DLG2: variants seen among roughly 807,000 people sequenced by gnomAD.
DLG2 encodes the protein disks large homolog 2.
In DLG2, 45 loss-of-function variants were observed where a neutral mutation model predicts 132.5. The ratio of observed to expected loss-of-function variants is 0.34; its 90% CI spans 0.27 to 0.44. The LOEUF is 0.44. DLG2 is among the 20% of genes least tolerant of loss of function. The probability of loss-of-function intolerance (pLI) is 1.00; values close to 1 mark genes in which losing one functional copy is unlikely to be tolerated. For synonymous variants in DLG2, 424 were observed against 419.6 expected, an observed-to-expected ratio of 1.01 and a Z score of -0.13; for missense variants, 1,045 against 1,196.9, an observed-to-expected ratio of 0.87 and a Z score of 1.87.
intron 6 of DLG2, among the ~76,000 whole-genome samples, chr11:85,101,949 A>G (rs2070913945): frequency 6.6e-6 from 1 of 152,048 alleles, no homozygotes; most frequent in Non-Finnish European, 1.5e-5. Flanking sequence ...CTCCAAATAA[A>G]TAAGATGAGA....
At chr11:83,743,633 T>A (rs1337574407) in intron 18 of DLG2, among the ~76,000 whole-genome samples, 4 of 151,872 alleles carry the variant, frequency 2.6e-5, no homozygotes, top group Non-Finnish European at 5.9e-5. Flanking sequence ...GGCATTTCAC[T>A]ATGTTGCCCA....
At chr11:84,189,913 A>T in intron 8 of DLG2, among the ~76,000 whole-genome samples, 1 of 151,876 alleles carries the variant, frequency 6.6e-6, no homozygotes, top group Non-Finnish European at 1.5e-5. Context: ...TGTGCAACAA[A>T]CCACCATGGC....
intron 18 of DLG2, among the ~76,000 whole-genome samples, chr11:83,702,502 G>A (rs2083137811): frequency 6.6e-6 from 1 of 152,214 alleles, no homozygotes; most frequent in Admixed American, 6.5e-5. Flanking sequence ...CCATGAAGGT[G>A]AAGTAGGTGA....
intron 4 of DLG2, among the ~76,000 whole-genome samples, chr11:85,239,128 A>C (rs1017388293): frequency 1.1e-4 from 16 of 152,096 alleles, no homozygotes; most frequent in African/African-American, 3.9e-4. Flanking sequence ...TTTACTGGAG[A>C]GATAAACTGC....
chr11:84,394,666 T>C (rs140624000), intron 7 of DLG2, among the ~76,000 whole-genome samples: 8,535 of 150,200 alleles, frequency 0.057, 780 homozygotes, highest in African/African-American at 0.2. Flanking sequence ...TCTTGCTCTG[T>C]CACCCAGGCT....
chr11:84,977,898 A>G (rs914917982), intron 6 of DLG2, among the ~76,000 whole-genome samples: 1 of 152,168 alleles, frequency 6.6e-6, no homozygotes, highest in Admixed American at 6.6e-5. Context: ...CAATGTCTGA[A>G]GGCCAAGACC....
chr11:84,053,411 A>G (rs2096438307), intron 11 of DLG2, among the ~76,000 whole-genome samples: 1 of 151,994 alleles, frequency 6.6e-6, no homozygotes, highest in Non-Finnish European at 1.5e-5. Flanking sequence ...CATCCTGCAC[A>G]TATACCTCTG....
chr11:84,255,692 G>T (rs538741416), intron 7 of DLG2, among the ~76,000 whole-genome samples: 1 of 152,136 alleles, frequency 6.6e-6, no homozygotes, highest in Non-Finnish European at 1.5e-5. Context: ...TGACTCAGCA[G>T]ATTCTAGTGT....
At chr11:83,783,812 C>T (rs1373544178) in intron 18 of DLG2, among the ~76,000 whole-genome samples, 1 of 152,142 alleles carries the variant, frequency 6.6e-6, no homozygotes, top group Non-Finnish European at 1.5e-5. Flanking sequence ...CTTGCACTGT[C>T]CTGACCCCTT....
At chr11:84,122,601 G>A (rs372913597) in intron 9 of DLG2, among the ~76,000 whole-genome samples, 19 of 152,234 alleles carry the variant, frequency 1.2e-4, no homozygotes, top group African/African-American at 3.4e-4. Flanking sequence ...AAAAGTTGTC[G>A]GGCTGTGTTT....
chr11:83,894,092 C>A (rs1303973208), intron 15 of DLG2, among the ~76,000 whole-genome samples: 2 of 152,184 alleles, frequency 1.3e-5, no homozygotes, highest in African/African-American at 4.8e-5. Context: ...CCAATGTATT[C>A]CAGAATTCAC....
intron 4 of DLG2, among the ~76,000 whole-genome samples, chr11:85,165,909 T>C (rs1209006423): frequency 6.6e-6 from 1 of 152,110 alleles, no homozygotes. Context: ...GTCCTCACTG[T>C]CTTCCTAGTT....
chr11:84,981,001 C>T (rs1412171844), intron 6 of DLG2, among the ~76,000 whole-genome samples: 2 of 152,140 alleles, frequency 1.3e-5, no homozygotes, highest in African/African-American at 4.8e-5. Context: ...CAGCGTTCAC[C>T]ACACAGTTTT....
chr11:85,025,037 T>C (rs984188505), intron 6 of DLG2, among the ~76,000 whole-genome samples: 4 of 152,202 alleles, frequency 2.6e-5, no homozygotes, highest in African/African-American at 9.7e-5. Flanking sequence ...CTGTGCAATA[T>C]TACATGTAAT....
intron 21 of DLG2, among the ~76,000 whole-genome samples, chr11:83,526,205 G>A (rs1173956173): frequency 2.6e-5 from 4 of 152,262 alleles, no homozygotes; most frequent in African/African-American, 4.8e-5. Context: ...AGGAACAGTC[G>A]GGACAAATGT....
chr11:84,827,104 C>T (rs1213386217), intron 6 of DLG2, among the ~76,000 whole-genome samples: 1 of 151,708 alleles, frequency 6.6e-6, no homozygotes, highest in Admixed American at 6.6e-5. Context: ...CCGCAGAGCA[C>T]AGTAACTCAA....
chr11:83,874,261 A>AGAGAGGGAAGGAAGGAAGGAAGGC, intron 16 of DLG2, among the ~76,000 whole-genome samples, 159 bp downstream of exon 16: 1 of 149,108 alleles, frequency 6.7e-6, no homozygotes, highest in East Asian at 2.0e-4. Context: ...GGAAGGAAGG[A>AGAGAGGGAAGGAAGGAAGGAAGGC]AAGAAGGAAG....
At chr11:84,936,152 CCT>C (rs1414995139) in intron 6 of DLG2, among the ~76,000 whole-genome samples, 25 of 152,052 alleles carry the variant, frequency 1.6e-4, no homozygotes, top group Non-Finnish European at 3.2e-4. Context: ...GAATGTTAGG[CCT>C]ACGATACTGT....
intron 6 of DLG2, among the ~76,000 whole-genome samples, chr11:84,937,129 G>A (rs2154094800): frequency 6.6e-6 from 1 of 152,258 alleles, no homozygotes; most frequent in South Asian, 2.1e-4. Context: ...TCCAGTCTGG[G>A]CAACAGAGCT....
Sources: gnomAD v4.1 joint callset for allele counts (sites outside exome capture counted in the v4.1 genomes callset) on GRCh38, gnomAD v4.1.1 for gene constraint, MANE v1.5 for transcripts, NCBI Gene and HGNC (gene_info 2026-07-23, HGNC 2026-07-21) for gene names.